CCDC42: variants seen among roughly 807,000 people sequenced by gnomAD.
CCDC42 encodes coiled-coil domain-containing protein 42.
In CCDC42, 38 loss-of-function variants were observed where a neutral mutation model predicts 40.8. The ratio of observed to expected loss-of-function variants is 0.93; its 90% CI spans 0.72 to 1.22. The LOEUF (loss-of-function observed/expected upper bound fraction) is 1.22. Ranked by LOEUF, CCDC42 falls within the 50% of genes most tolerant of loss-of-function variation. CCDC42 has a pLI of 0.00. For missense variants in CCDC42, 379 were observed against 416.5 expected, an observed-to-expected ratio of 0.91 and a Z score of 0.78; for synonymous variants, 135 against 157.5, an observed-to-expected ratio of 0.86 and a Z score of 1.07.
intron 4 of CCDC42, among the ~76,000 whole-genome samples, chr17:8,736,464 C>T (rs2086611995): frequency 6.6e-6 from 1 of 152,198 alleles, no homozygotes; most frequent in Non-Finnish European, 1.5e-5. Context: ...AGCCATGAAA[C>T]CCACGCTCTT....
Position 8,735,139 on chromosome 17 carries a change from ACCT to A in CCDC42, c.827_829del (p.Glu276del). On this transcript the variant is annotated inframe_deletion, in exon 6 of 7. Coordinates refer to ENST00000293845, the MANE Select transcript of CCDC42 (RefSeq NM_144681.3). This position sits in a 1 kb window ranked among gnomAD's most constrained non-coding sequence, Gnocchi z 4.7. ...GGTGTCCTCCAGTGCCACCTCAGTCACCTCCTTCAGGTGCTTGCTCACGATCTG... is the reference window on the plus strand; with the variant it reads ...GGTGTCCTCCAGTGCCACCTCAGTCACCTTCAGGTGCTTGCTCACGATCTG... The A allele has an allele frequency of 6.2e-7, 1 of 1,613,720 alleles. No homozygotes were observed. The highest frequency in any genetic ancestry group is 1.1e-5 in the South Asian group (1 of 91,046).
At chr17:8,732,321 A>C (rs1447031238) in intron 6 of CCDC42, among the ~76,000 whole-genome samples, 3 of 142,864 alleles carry the variant, frequency 2.1e-5, no homozygotes, top group Non-Finnish European at 3.1e-5. Context: ...AAAAAAAAAA[A>C]AACCTGCTCG....
At chr17:8,738,333 C>T (rs948028527) in intron 4 of CCDC42, among the ~76,000 whole-genome samples, 13 of 152,098 alleles carry the variant, frequency 8.5e-5, no homozygotes, top group African/African-American at 2.9e-4. Flanking sequence ...ATGAATTAAT[C>T]ATTATTAGAA....
At chr17:8,741,104 A>T (rs956225799) in intron 4 of CCDC42, among the ~76,000 whole-genome samples, 1 of 152,196 alleles carries the variant, frequency 6.6e-6, no homozygotes, top group Non-Finnish European at 1.5e-5. Context: ...GTGCTGACAC[A>T]CACCCACACA....
rs200883204 is a variant in CCDC42, at chr17:8,741,569, C to T, written c.397G>A (p.Val133Met). The stretch of plus-strand genomic sequence containing the variant: ...CGCTGGTGCTCCAGCCGCAGCGCCA[C>T]CATCTCCTGCTTGCGCTTGGTCAGC... ...QELTKRKQEM[V>M]ALRLEHQRLS... The change falls in exon 4 of 7, where the codon GTG becomes ATG. Residue 133 changes from valine (V) to methionine (M), a missense_variant. Physicochemically the swap from Val to Met is conservative, Grantham distance 21. Coordinates refer to ENST00000293845, the MANE Select transcript of CCDC42 (RefSeq NM_144681.3). The T allele has an allele frequency of 7.1e-5, 114 of 1,614,112 alleles. No individual in the cohort carries two copies. The highest frequency in any genetic ancestry group is 3.5e-5 in the Non-Finnish European group (41 of 1,180,044).
At chr17:8,743,501 G>T in intron 3 of CCDC42, 125 bp downstream of exon 3, 1 of 689,182 alleles carries the variant, frequency 1.5e-6, no homozygotes, top group East Asian at 2.6e-5. Flanking sequence ...AGGCAATGTT[G>T]GAGCACTAAG....
chr17:8,739,901 C>A (rs540790519), intron 4 of CCDC42, among the ~76,000 whole-genome samples: 30 of 152,158 alleles, frequency 2.0e-4, no homozygotes, highest in African/African-American at 7.0e-4. Flanking sequence ...TCCTGCCCCC[C>A]CAACAAACCC....
At chr17:8,733,139 A>C (rs1454312954) in intron 6 of CCDC42, among the ~76,000 whole-genome samples, 1 of 152,184 alleles carries the variant, frequency 6.6e-6, no homozygotes, top group Non-Finnish European at 1.5e-5. Flanking sequence ...GTGGCTTTTC[A>C]TTCAGGTTAC....
At chr17:8,743,550 A>C (rs2151140974) in intron 3 of CCDC42, 76 bp downstream of exon 3, 3 of 848,640 alleles carry the variant, frequency 3.5e-6, no homozygotes, top group East Asian at 2.4e-5. Flanking sequence ...AGCAGAAGCA[A>C]GGAGGAGGAG....
chr17:8,743,489 C>A, intron 3 of CCDC42, 137 bp downstream of exon 3: 1 of 664,272 alleles, frequency 1.5e-6, no homozygotes, highest in African/African-American at 1.8e-5. Flanking sequence ...TAGGGACATG[C>A]CAGGCAATGT....
At chr17:8,731,845 C>G (rs569029581) in intron 6 of CCDC42, among the ~76,000 whole-genome samples, 18 of 152,184 alleles carry the variant, frequency 1.2e-4, no homozygotes, top group African/African-American at 4.3e-4. Context: ...TACAACGAAC[C>G]CTTGTGACAT....
At chr17:8,737,092 A>C (rs35675026) in intron 4 of CCDC42, among the ~76,000 whole-genome samples, 51,942 of 151,468 alleles carry the variant, frequency 0.34, 9,784 homozygotes, top group Non-Finnish European at 0.44. Flanking sequence ...AAAAGAAAAA[A>C]AGAAAAGCAA....
Position 8,735,710 on chromosome 17 carries a change from A to C in CCDC42, c.493-99T>G. ...CCAGCCTGGATGCCTGGACACCTGG[A>C]CACCTGGGCAGGCAGGCCCTTGGCC... On this transcript the variant is annotated intron_variant, in intron 4 of 6. Transcript: ENST00000293845. This position sits in a 1 kb window ranked among gnomAD's most constrained non-coding sequence, Gnocchi z 4.7. The C allele has an allele frequency of 1.0e-6, 1 of 996,930 alleles. No homozygotes were observed. The highest frequency in any genetic ancestry group is 2.6e-5 in the East Asian group (1 of 38,506). 61.8% of individuals were successfully genotyped at this position (996,930 alleles called of 1,614,324 possible).
rs376579653 is a variant in CCDC42, at chr17:8,736,987, G to A, written c.493-1376C>T. Among the ~76,000 whole-genome samples the A allele has an allele frequency of 1.4e-3, 192 of 142,062 alleles. 5 individuals carry two copies. The highest frequency in any genetic ancestry group is 4.4e-3 in the African/African-American group (170 of 38,436). 93.2% of individuals were successfully genotyped at this position (142,062 alleles called of 152,430 possible). A position where few individuals can be genotyped will look rare whatever the true frequency, so the allele number is the denominator to read the frequency against. ...AGAAGAAGAAGAAGAAAGAGAGAGA[G>A]GGAGGGAGGGAGAAAGGAAGGAAAA... On this transcript the variant is annotated intron_variant, in intron 4 of 6. Coordinates refer to ENST00000293845, the MANE Select transcript of CCDC42 (RefSeq NM_144681.3).
rs1382689854 is a variant in CCDC42 at position 8,744,559 on chromosome 17, C to T, written c.51G>A (p.Leu17=). 9.9e-6 allele frequency: 16 copies of T among 1,612,582 alleles called. No individual in the cohort carries two copies. In the South Asian group the frequency reaches 1.5e-4, roughly 15 times the overall value. The change falls in exon 1 of 7, where the codon CTG becomes CTA. Residue 17 remains leucine (L), a synonymous_variant. Coordinates refer to ENST00000293845, the MANE Select transcript of CCDC42 (RefSeq NM_144681.3). ...EEEDLAEYFR[L]QYGERLLQML... Reference sequence around the variant, plus strand: ...TCTGCAGCAGCCGCTCCCCATACTGCAGCCGGAAGTACTCGGCCAGGTCTT... The same window carrying T: ...TCTGCAGCAGCCGCTCCCCATACTGTAGCCGGAAGTACTCGGCCAGGTCTT...
At chr17:8,736,706 A>G (rs2086613323) in intron 4 of CCDC42, among the ~76,000 whole-genome samples, 1 of 152,142 alleles carries the variant, frequency 6.6e-6, no homozygotes, top group Admixed American at 6.5e-5. Flanking sequence ...ACAGCCAGAA[A>G]AGGTTTCATG....
intron 6 of CCDC42, among the ~76,000 whole-genome samples, chr17:8,731,473 T>C (rs1180756132): frequency 1.3e-5 from 2 of 152,240 alleles, no homozygotes; most frequent in Admixed American, 6.5e-5. Context: ...ACTGAAGCAC[T>C]ATCCACAATA....
At chr17:8,733,301 G>A (rs1170227599) in intron 6 of CCDC42, among the ~76,000 whole-genome samples, 1 of 152,178 alleles carries the variant, frequency 6.6e-6, no homozygotes, top group African/African-American at 2.4e-5. Flanking sequence ...GTGTATTTCC[G>A]TGAGTAGGTT....
At position 8,735,502 on chromosome 17, in the gene CCDC42, GC is replaced by G. The variant is rs776146375; in HGVS notation, c.601del (p.Ala201ProfsTer64). On this transcript the variant is annotated frameshift_variant, in exon 5 of 7. Transcript: ENST00000293845. LOFTEE classifies it high-confidence loss of function. The surrounding 1 kb of genome is among the most constrained non-coding windows in gnomAD (Gnocchi z 4.7). ...TTCCTCCATGTAGCGCGCCAGCCGG[GC>G]CTTGGCGCGCTCAATCTTCTCCTGG... ...EGQEKIERAK[A>X]RLARYMEEKD... is the part of the protein sequence containing the mutation. The G allele has an allele frequency of 7.4e-6, 12 of 1,613,942 alleles. No individual in the cohort carries two copies. The highest frequency in any genetic ancestry group is 3.4e-6 in the Non-Finnish European group (4 of 1,180,016).
Sources: allele counts gnomAD v4.1 joint callset (sites outside exome capture counted in the v4.1 genomes callset), GRCh38; gene constraint gnomAD v4.1.1; non-coding constraint Gnocchi (gnomAD v3.1); transcripts MANE v1.5; gene names NCBI Gene and HGNC (gene_info 2026-07-23, HGNC 2026-07-21).